Variants in NLGN1 observed in about 807,000 individuals in gnomAD.
NLGN1 encodes neuroligin-1.
A neutral mutation model predicts 65.5 loss-of-function variants in NLGN1; 12 were observed. The observed-to-expected ratio is 0.18, with a 90% CI of 0.12 to 0.30. The LOEUF is 0.30. Among genes scored for constraint, NLGN1 ranks in the 10% least tolerant of loss-of-function variants. The pLI is 1.00. For missense variants in NLGN1, 750 were observed against 1,007.1 expected, an observed-to-expected ratio of 0.74 and a Z score of 3.46; for synonymous variants, 350 against 359.5, an observed-to-expected ratio of 0.97 and a Z score of 0.30.
chr3:174,076,810 A>C (rs143080895), intron 4 of NLGN1, among the ~76,000 whole-genome samples: 2 of 150,984 alleles, frequency 1.3e-5, no homozygotes, highest in East Asian at 3.9e-4. Context: ...TAAAACCATC[A>C]ACACTTGTCA....
At chr3:173,860,676 A>C (rs115153219) in intron 4 of NLGN1, among the ~76,000 whole-genome samples, 3,325 of 152,282 alleles carry the variant, frequency 0.022, 44 homozygotes, top group African/African-American at 0.04. Context: ...CAGGTAGGGA[A>C]GTTTGGATCC....
intron 1 of NLGN1, among the ~76,000 whole-genome samples, chr3:173,408,738 C>G (rs906931400): frequency 7.2e-5 from 11 of 152,172 alleles, no homozygotes; most frequent in Admixed American, 4.6e-4. Flanking sequence ...CGGTGAAACC[C>G]CGTCTCTACT....
intron 4 of NLGN1, among the ~76,000 whole-genome samples, chr3:173,872,762 T>A (rs1731405604): frequency 6.6e-6 from 1 of 152,160 alleles, no homozygotes; most frequent in South Asian, 2.1e-4. Context: ...CTAAATGTAG[T>A]TTTGAAGTGG....
rs1907577 is a variant in NLGN1, at chr3:173,925,484, A to T, written c.646+117652A>T. On this transcript the variant is annotated intron_variant, in intron 4 of 6. Coordinates refer to ENST00000457714, the Ensembl canonical transcript of NLGN1. ...ATTAGAATGTCATCTACCTGGACCC[A>T]GTATAGAGTAGTAACAATTACTATT... Among the ~76,000 whole-genome samples the T allele has an allele frequency of 8.5e-3, 1,301 of 152,282 alleles. 25 individuals carry two copies. Among genetic ancestry groups the T allele is most frequent in the African/African-American group, 0.029 (1,221 of 41,540 alleles).
At chr3:173,876,689 A>T (rs566759515) in intron 4 of NLGN1, among the ~76,000 whole-genome samples, 2 of 152,164 alleles carry the variant, frequency 1.3e-5, no homozygotes, top group Non-Finnish European at 2.9e-5. Context: ...AGGCTTAGAC[A>T]CTAATGGGAA....
the NLGN1 span, among the ~76,000 whole-genome samples, chr3:174,293,089 TA>T: frequency 6.6e-6 from 1 of 151,562 alleles, no homozygotes; most frequent in Non-Finnish European, 1.5e-5. Context: ...AAATACTTTT[TA>T]AAAAAGTTCT....
chr3:173,656,390 A>G (rs912803281), intron 3 of NLGN1, among the ~76,000 whole-genome samples: 1 of 152,122 alleles, frequency 6.6e-6, no homozygotes, highest in Non-Finnish European at 1.5e-5. Context: ...GTTCCTACCT[A>G]CACAGAAATA....
chr3:173,478,960 A>G (rs1189887064), intron 2 of NLGN1, among the ~76,000 whole-genome samples: 1 of 152,160 alleles, frequency 6.6e-6, no homozygotes, highest in African/African-American at 2.4e-5. Flanking sequence ...CAATCTGACT[A>G]TTACATGAGG....
chr3:173,702,931 C>T (rs903745708), intron 3 of NLGN1, among the ~76,000 whole-genome samples: 2 of 152,162 alleles, frequency 1.3e-5, no homozygotes, highest in Non-Finnish European at 2.9e-5. Flanking sequence ...TTTTATTTCA[C>T]AAAGACTATA....
chr3:173,701,524 A>G (rs768531489), intron 3 of NLGN1, among the ~76,000 whole-genome samples: 8 of 152,232 alleles, frequency 5.3e-5, no homozygotes, highest in Non-Finnish European at 1.2e-4. Flanking sequence ...TTTGATTTTA[A>G]CCCAATGAAG....
At chr3:173,753,204 A>G (rs1299950041) in intron 3 of NLGN1, among the ~76,000 whole-genome samples, 1 of 152,140 alleles carries the variant, frequency 6.6e-6, no homozygotes, top group Non-Finnish European at 1.5e-5. Context: ...CTGTCTATGA[A>G]TTTATAATGC....
chr3:173,539,853 G>T, intron 2 of NLGN1, among the ~76,000 whole-genome samples: 1 of 128,586 alleles, frequency 7.8e-6, no homozygotes, highest in Admixed American at 8.1e-5. Flanking sequence ...TATATTATAT[G>T]TTATGTATGT....
intron 4 of NLGN1, among the ~76,000 whole-genome samples, chr3:174,211,155 A>G (rs567397856): frequency 2.6e-5 from 4 of 152,314 alleles, no homozygotes; most frequent in African/African-American, 4.8e-5. Context: ...GAACCCAAAG[A>G]GTGAGAAGTA....
At chr3:173,890,325 A>G (rs1463667860) in intron 4 of NLGN1, among the ~76,000 whole-genome samples, 2 of 152,138 alleles carry the variant, frequency 1.3e-5, no homozygotes, top group African/African-American at 2.4e-5. Flanking sequence ...AGAACCACCC[A>G]CACACACTTG....
At chr3:173,800,020 T>A (rs200001227) in intron 3 of NLGN1, among the ~76,000 whole-genome samples, 6 of 141,246 alleles carry the variant, frequency 4.2e-5, no homozygotes, top group Non-Finnish European at 6.2e-5. Flanking sequence ...TTTTTTTTTT[T>A]AAAAGTCTTT....
intron 4 of NLGN1, among the ~76,000 whole-genome samples, chr3:173,922,936 T>C (rs1742317959): frequency 6.6e-6 from 1 of 152,160 alleles, no homozygotes; most frequent in Non-Finnish European, 1.5e-5. Context: ...CATAAGCCTG[T>C]TCTGAGATTT....
intron 4 of NLGN1, among the ~76,000 whole-genome samples, chr3:173,846,470 G>A (rs189890634): frequency 9.2e-5 from 14 of 152,292 alleles, no homozygotes; most frequent in Admixed American, 6.5e-4. Flanking sequence ...GAGAGAACAC[G>A]TGTGGAGTAT....
rs962692401 is a variant in NLGN1 at position 174,279,680 on chromosome 3, T to A, written c.1649+30T>A. The A allele has an allele frequency of 3.0e-6, 4 of 1,328,882 alleles. No individual in the cohort carries two copies. Among genetic ancestry groups the A allele is most frequent in the Middle Eastern group, 1.9e-4 (1 of 5,176 alleles). 82.3% of individuals were successfully genotyped at this position (1,328,882 alleles called of 1,614,324 possible). On this transcript the variant is annotated intron_variant, in intron 6 of 6. Coordinates refer to ENST00000457714, the Ensembl canonical transcript of NLGN1. This position sits in a 1 kb window ranked among gnomAD's most constrained non-coding sequence, Gnocchi z 4.7. ...GTACCTAAGGAATGAAGTTTATTTTTAATAAAAATGTTATTTTAACCATTT... is the reference window on the plus strand; with the variant it reads ...GTACCTAAGGAATGAAGTTTATTTTAAATAAAAATGTTATTTTAACCATTT...
intron 2 of NLGN1, among the ~76,000 whole-genome samples, chr3:173,436,679 C>A (rs1677051519): frequency 6.6e-6 from 1 of 152,168 alleles, no homozygotes; most frequent in Admixed American, 6.5e-5. Context: ...TACATCCACC[C>A]AGGCCCCCTT....
Sources: gnomAD v4.1 joint callset for allele counts (sites outside exome capture counted in the v4.1 genomes callset) on GRCh38, gnomAD v4.1.1 for gene constraint, Gnocchi (gnomAD v3.1) non-coding constraint, MANE v1.5 for transcripts, NCBI Gene and HGNC (gene_info 2026-07-23, HGNC 2026-07-21) for gene names.